The following SPTBN4 variants were observed in gnomAD, a reference collection of about 807,000 sequenced individuals.
SPTBN4 encodes spectrin beta chain, non-erythrocytic 4.
In SPTBN4, 96 loss-of-function variants were observed where a neutral mutation model predicts 277.8. The observed-to-expected ratio is 0.35, with a 90% CI of 0.29 to 0.41. The LOEUF (loss-of-function observed/expected upper bound fraction) is 0.41, where lower values mean the gene tolerates loss of function less well. Among genes scored for constraint, SPTBN4 ranks in the 10% least tolerant of loss-of-function variants. The pLI, the probability that SPTBN4 is intolerant of heterozygous loss-of-function variation, is 1.00. For missense variants in SPTBN4, 3,006 were observed against 3,595.7 expected (o/e 0.84, Z 4.19); for synonymous variants, 1,481 against 1,580.3 (o/e 0.94, Z 1.49).
intron 35 of SPTBN4, among the ~76,000 whole-genome samples, chr19:40,573,528 T>A (rs778548388): frequency 6.6e-6 from 1 of 152,142 alleles, no homozygotes; most frequent in Non-Finnish European, 1.5e-5. Context: ...GGGATTACAG[T>A]GATGTGTAAA....
intron 15 of SPTBN4, among the ~76,000 whole-genome samples, chr19:40,516,196 C>T (rs2080458400): frequency 6.7e-6 from 1 of 148,234 alleles, no homozygotes; most frequent in African/African-American, 2.5e-5. Context: ...AGAGATTGTG[C>T]CACTGCACTC....
chr19:40,562,124 A>C (rs2081048680), intron 27 of SPTBN4, among the ~76,000 whole-genome samples: 1 of 151,998 alleles, frequency 6.6e-6, no homozygotes, highest in Non-Finnish European at 1.5e-5. Context: ...GTGAGTACAG[A>C]GGGGCACTGG....
intron 16 of SPTBN4, among the ~76,000 whole-genome samples, chr19:40,520,536 T>A (rs551949396): frequency 1.1e-4 from 16 of 152,302 alleles, no homozygotes; most frequent in South Asian, 2.1e-4. Flanking sequence ...TCAAAGAAGA[T>A]CTTGGTATGG....
intron 7 of SPTBN4, 77 bp downstream of exon 7, chr19:40,497,681 A>T: frequency 8.4e-7 from 1 of 1,183,586 alleles, no homozygotes. Flanking sequence ...ACTCAACTCC[A>T]TCCCACCCCA....
chr19:40,497,410 G>GA (rs896468397), intron 6 of SPTBN4, 79 bp from the exon 7 acceptor site: 2 of 1,053,642 alleles, frequency 1.9e-6, no homozygotes, highest in Admixed American at 3.5e-5. Flanking sequence ...GCAGTGCTCA[G>GA]ACAAGGGTGG....
Position 40,515,215 on chromosome 19 carries a change from G to C in SPTBN4, c.2766-96G>C. 1.4e-6 allele frequency: 2 copies of C among 1,387,540 alleles called. No individual in the cohort carries two copies. The highest frequency in any genetic ancestry group is 1.9e-6 in the Non-Finnish European group (2 of 1,046,254). The allele number at this position is 1,387,540 out of a possible 1,614,324, so 86.0% of individuals were successfully genotyped here. A position where few individuals can be genotyped will look rare whatever the true frequency, so the allele number is the denominator to read the frequency against. On this transcript the variant is annotated intron_variant, in intron 14 of 35. Coordinates refer to ENST00000598249, the MANE Select transcript of SPTBN4 (RefSeq NM_020971.3). This position sits in a 1 kb window ranked among gnomAD's most constrained non-coding sequence, Gnocchi z 4.1. The stretch of plus-strand genomic sequence containing the variant: ...GCCCACAAAGGAGGCTGAAAAGAAG[G>C]GTGGATTGAGAATTAGGAGTAGAAC...
rs1402638165 is a variant in SPTBN4 at position 40,513,098 on chromosome 19, A to C, written c.2309A>C (p.Gln770Pro). The C allele has an allele frequency of 1.4e-6, 2 of 1,427,828 alleles. No individual in the cohort carries two copies. The highest frequency in any genetic ancestry group is 1.8e-6 in the Non-Finnish European group (2 of 1,097,630). The allele number at this position is 1,427,828 out of a possible 1,614,324, so 88.4% of individuals were successfully genotyped here. A position where few individuals can be genotyped will look rare whatever the true frequency, so the allele number is the denominator to read the frequency against. ...EAAARRERRL[Q>P]EARALHQFGA... ...GCGGCGCGGCGAGAGCGGCGGCTGC[A>C]GGAGGCGCGGGCGCTGCACCAGTTC... The change falls in exon 14 of 36, where the codon CAG becomes CCG. Residue 770 changes from glutamine to proline, a missense_variant. Coordinates refer to ENST00000598249, the MANE Select transcript of SPTBN4 (RefSeq NM_020971.3).
chr19:40,471,405 G>A (rs1046605059), intron 1 of SPTBN4, among the ~76,000 whole-genome samples: 2 of 152,174 alleles, frequency 1.3e-5, no homozygotes, highest in African/African-American at 2.4e-5. Flanking sequence ...GAAGGTACAT[G>A]AAGTACTGAC....
chr19:40,502,428 G>A lies in SPTBN4; in HGVS notation c.1124G>A (p.Ser375Asn). 6.2e-7 allele frequency: 1 copy of A among 1,613,494 alleles called. No homozygotes were observed. Among genetic ancestry groups the A allele is most frequent in the Non-Finnish European group, 8.5e-7 (1 of 1,179,942 alleles). Residue 375 changes from serine to asparagine, a missense_variant, in exon 10 of 36, where the codon AGC (serine) becomes AAC (asparagine). By Grantham distance (46) the Ser-to-Asn change is conservative (BLOSUM62 1). Transcript: ENST00000598249. The surrounding 1 kb of genome is among the most constrained non-coding windows in gnomAD (Gnocchi z 4.9). ...GGGAACCTAGAGGTGCTGCTCTTCA[G>A]CATCCAGAGCAAACTGCGTGCCTGC... The part of the protein sequence containing the change: ...EKGNLEVLLF[S>N]IQSKLRACNR...
chr19:40,504,331 CAAAG>C (rs1456879833), intron 12 of SPTBN4, among the ~76,000 whole-genome samples, 199 bp downstream of exon 12: 8 of 151,780 alleles, frequency 5.3e-5, no homozygotes, highest in Non-Finnish European at 1.0e-4. Context: ...GAGAGGCAGA[CAAAG>C]AAACACAGAA....
At chr19:40,531,286 G>A (rs1420250701) in intron 18 of SPTBN4, among the ~76,000 whole-genome samples, 1 of 151,912 alleles carries the variant, frequency 6.6e-6, no homozygotes, top group Non-Finnish European at 1.5e-5. Flanking sequence ...GAGTTGGGGG[G>A]TTCAGCACTG....
At chr19:40,506,507 G>T in intron 13 of SPTBN4, 121 bp downstream of exon 13, 1 of 1,392,252 alleles carries the variant, frequency 7.2e-7, no homozygotes, top group Non-Finnish European at 9.5e-7. Flanking sequence ...AGGCATTTAA[G>T]CAGAGCCTAA....
Position 40,519,791 on chromosome 19 carries a change from C to T in SPTBN4, c.3294C>T (p.Asp1098=). 3 of 1,435,990 alleles carry T rather than the reference C, an allele frequency of 2.1e-6. No individual in the cohort carries two copies. The highest frequency in any genetic ancestry group is 3.1e-5 in the Admixed American group (1 of 32,222). The allele number at this position is 1,435,990 out of a possible 1,614,324, so 89.0% of individuals were successfully genotyped here. A position where few individuals can be genotyped will look rare whatever the true frequency, so the allele number is the denominator to read the frequency against. The change falls in exon 16 of 36, where the codon GAC becomes GAT. Residue 1098 remains aspartate, a synonymous_variant. Coordinates refer to ENST00000598249, the MANE Select transcript of SPTBN4 (RefSeq NM_020971.3). The surrounding 1 kb of genome is among the most constrained non-coding windows in gnomAD (Gnocchi z 5.7). Reference sequence around the variant, plus strand: ...TGCAGCGCTTCCTACATGACCTCGACGCTTTCCTGGACTGGCTCGTGCGCG... The same window carrying T: ...TGCAGCGCTTCCTACATGACCTCGATGCTTTCCTGGACTGGCTCGTGCGCG... ...GRLQRFLHDL[D]AFLDWLVRAQ...
At chr19:40,483,637 T>C (rs1244420837) in intron 2 of SPTBN4, among the ~76,000 whole-genome samples, 1 of 152,188 alleles carries the variant, frequency 6.6e-6, no homozygotes, top group Non-Finnish European at 1.5e-5. Flanking sequence ...TGGGACCCTA[T>C]GTGAATACTG....
At chr19:40,528,844 CTCTG>C (rs2080626278) in intron 17 of SPTBN4, among the ~76,000 whole-genome samples, 193 bp from the exon 18 acceptor site, 3 of 151,936 alleles carry the variant, frequency 2.0e-5, no homozygotes, top group South Asian at 4.2e-4. Flanking sequence ...CTTTCTCTTC[CTCTG>C]TCTGTCTCTC....
Position 40,575,474 on chromosome 19 carries a change from C to T in SPTBN4, c.7600C>T (p.Arg2534Cys). 1.2e-6 allele frequency: 2 copies of T among 1,613,224 alleles called. No homozygotes were observed. Among genetic ancestry groups the T allele is most frequent in the South Asian group, 1.1e-5 (1 of 90,986 alleles). Residue 2534 changes from arginine (R) to cysteine (C), a missense_variant, in exon 36 of 36, where the codon CGC becomes TGC. By Grantham distance (180) the Arg-to-Cys change is radical. Around this residue, in one of 5 missense-constraint regions of SPTBN4, gnomAD observed 630 missense variants for 677.6 expected, o/e 0.93. Coordinates refer to ENST00000598249, the MANE Select transcript of SPTBN4 (RefSeq NM_020971.3). ...SSVAEHAEIA[R>C]WGQTLPTTSS... ...GGTGGCGGAACACGCAGAGATCGCCCGCTGGGGCCAGACACTACCCACTAC... is the reference window on the plus strand; with the variant it reads ...GGTGGCGGAACACGCAGAGATCGCCTGCTGGGGCCAGACACTACCCACTAC...
chr19:40,513,313 G>A lies in SPTBN4; in HGVS notation c.2524G>A (p.Ala842Thr). 1 of 1,566,926 alleles carries A rather than the reference G, an allele frequency of 6.4e-7. No homozygotes were observed. Among genetic ancestry groups the A allele is most frequent in the Admixed American group, 1.9e-5 (1 of 52,364 alleles). ...LRRQLATLGG[A>T]SGAGPLVVAL... Reference sequence around the variant, plus strand: ...GCGCCAGCTGGCGACACTCGGGGGTGCCAGTGGCGCAGGGCCACTGGTGGT... The same window carrying A: ...GCGCCAGCTGGCGACACTCGGGGGTACCAGTGGCGCAGGGCCACTGGTGGT... Residue 842 changes from alanine to threonine, a missense_variant, in exon 14 of 36, where the codon GCC (alanine) becomes ACC (threonine). Ala to Thr is a moderately conservative substitution (Grantham distance 58). This residue lies in a region of SPTBN4 where 1,759 missense variants were observed against 2,061.5 expected (regional missense o/e 0.85). Coordinates refer to ENST00000598249, the MANE Select transcript of SPTBN4 (RefSeq NM_020971.3).
chr19:40,530,511 T>C, intron 18 of SPTBN4: 8 of 978,960 alleles, frequency 8.2e-6, no homozygotes, highest in Non-Finnish European at 9.7e-6. Flanking sequence ...TCGCCGCCGC[T>C]GCCGCTGCCG....
In SPTBN4 at chr19:40,513,422, G is replaced by C; in HGVS notation, c.2633G>C (p.Arg878Pro). ...EVAALRRQWL[R>P]DALAVYRMFG... ...GCGGCGCTGAGGCGCCAGTGGCTGC[G>C]GGACGCGCTCGCTGTCTACCGCATG... Residue 878 changes from arginine (R) to proline (P), a missense_variant, in exon 14 of 36, where the codon CGG becomes CCG. This residue lies in a region of SPTBN4 where 1,759 missense variants were observed against 2,061.5 expected (regional missense o/e 0.85). Coordinates refer to ENST00000598249, the MANE Select transcript of SPTBN4 (RefSeq NM_020971.3). 1 of 1,604,066 alleles carries C rather than the reference G, an allele frequency of 6.2e-7. No individual in the cohort carries two copies. Among genetic ancestry groups the C allele is most frequent in the Non-Finnish European group, 8.5e-7 (1 of 1,177,686 alleles).
Sources: allele counts gnomAD v4.1 joint callset (sites outside exome capture counted in the v4.1 genomes callset), GRCh38; gene constraint gnomAD v4.1.1; regional missense constraint gnomAD v4.1.1; non-coding constraint Gnocchi (gnomAD v3.1); transcripts MANE v1.5; gene names NCBI Gene and HGNC (gene_info 2026-07-23, HGNC 2026-07-21).